CCDC169: variants seen among roughly 807,000 people sequenced by gnomAD.
CCDC169 encodes the protein coiled-coil domain containing 169.
CCDC169 carries 30 observed loss-of-function variants against 36.0 expected under a neutral mutation model. That is an observed-to-expected ratio of 0.83 (90% confidence interval 0.62 to 1.13). The LOEUF (loss-of-function observed/expected upper bound fraction) is 1.13, where lower values mean the gene tolerates loss of function less well. Ranked by LOEUF, CCDC169 falls within the 50% of genes most tolerant of loss-of-function variation. The pLI is 0.00. For synonymous variants in CCDC169, 85 were observed against 81.5 expected, an observed-to-expected ratio of 1.04 and a Z score of -0.23; for missense variants, 245 against 245.9, an observed-to-expected ratio of 1.00 and a Z score of 0.03.
At chr13:36,229,463 T>C (rs1167129884), downstream of CCDC169, among the ~76,000 whole-genome samples, 3 of 151,986 alleles carry the variant, frequency 2.0e-5, no homozygotes, top group South Asian at 4.1e-4. Flanking sequence ...TGTTCCTCAA[T>C]AGTCCCCACA....
At chr13:36,259,127 TG>T (rs1566073115) in intron 4 of CCDC169, among the ~76,000 whole-genome samples, 1 of 152,232 alleles carries the variant, frequency 6.6e-6, no homozygotes, top group East Asian at 1.9e-4. Flanking sequence ...CCACAGTCTA[TG>T]TAGGCAGCAG....
intron 7 of CCDC169, among the ~76,000 whole-genome samples, chr13:36,236,011 A>C (rs902780488): frequency 6.6e-6 from 1 of 152,042 alleles, no homozygotes; most frequent in Non-Finnish European, 1.5e-5. Context: ...GAAGATCTAA[A>C]TGAATAGAAA....
intron 4 of CCDC169, among the ~76,000 whole-genome samples, chr13:36,261,625 T>A (rs1874622679): frequency 6.6e-6 from 1 of 152,224 alleles, no homozygotes. Flanking sequence ...CTGGTTGATA[T>A]CCAAGACTGG....
intron 1 of CCDC169, among the ~76,000 whole-genome samples, 172 bp from the exon 2 acceptor site, chr13:36,296,029 C>G (rs1170530655): frequency 6.6e-6 from 1 of 152,122 alleles, no homozygotes; most frequent in Non-Finnish European, 1.5e-5. Context: ...TTAGTCAGTT[C>G]TAGGACTCAA....
chr13:36,279,055 C>T (rs1214606649), intron 4 of CCDC169, among the ~76,000 whole-genome samples: 1 of 152,028 alleles, frequency 6.6e-6, no homozygotes, highest in Non-Finnish European at 1.5e-5. Context: ...CTAAATAGAT[C>T]TTTAATCTGT....
intron 4 of CCDC169, chr13:36,282,319 A>G: frequency 1.0e-6 from 1 of 956,434 alleles, no homozygotes; most frequent in Non-Finnish European, 1.2e-6. Flanking sequence ...GAATTTCACA[A>G]ATATTATTCT....
At chr13:36,269,036 G>A (rs1875696672) in intron 4 of CCDC169, among the ~76,000 whole-genome samples, 1 of 152,062 alleles carries the variant, frequency 6.6e-6, no homozygotes, top group African/African-American at 2.4e-5. Context: ...ACCATCAGGT[G>A]GAGGTTGCAG....
intron 4 of CCDC169, 131 bp from the exon 5 acceptor site, chr13:36,254,274 A>AATTTTTTT (rs745490666): frequency 3.8e-5 from 16 of 416,372 alleles, no homozygotes; most frequent in East Asian, 1.4e-4. Context: ...TATGATATGT[A>AATTTTTTT]CTTTTTTTTT....
At chr13:36,282,563 G>A (rs998784010) in intron 4 of CCDC169, 1 of 984,824 alleles carries the variant, frequency 1.0e-6, no homozygotes, top group African/African-American at 1.7e-5. Context: ...TGTTTATACT[G>A]AACTTTCATT....
chr13:36,238,014 T>C (rs1211876896), intron 7 of CCDC169, among the ~76,000 whole-genome samples: 1 of 152,114 alleles, frequency 6.6e-6, no homozygotes, highest in African/African-American at 2.4e-5. Flanking sequence ...GACACACTTC[T>C]CACAACATGT....
intron 6 of CCDC169, among the ~76,000 whole-genome samples, chr13:36,249,662 T>C (rs150118369): frequency 4.5e-4 from 69 of 152,224 alleles, no homozygotes; most frequent in African/African-American, 1.6e-3. Context: ...TTTGTTTTGG[T>C]GGAAGAGTTG....
intron 4 of CCDC169, among the ~76,000 whole-genome samples, chr13:36,270,472 A>C (rs1466103394): frequency 2.0e-5 from 3 of 152,188 alleles, no homozygotes; most frequent in Non-Finnish European, 4.4e-5. Flanking sequence ...AAGCAATCCT[A>C]ATCAAAAAGA....
intron 4 of CCDC169, among the ~76,000 whole-genome samples, chr13:36,263,179 T>C (rs530630793): frequency 1.7e-4 from 25 of 148,634 alleles, no homozygotes; most frequent in African/African-American, 5.9e-4. Flanking sequence ...CCCCAAAACA[T>C]TGGTACGAAA....
intron 2 of CCDC169, among the ~76,000 whole-genome samples, chr13:36,292,768 T>C (rs1879053777): frequency 6.6e-6 from 1 of 152,178 alleles, no homozygotes; most frequent in African/African-American, 2.4e-5. Flanking sequence ...ATAAAATAAA[T>C]TCAGCATGTT....
intron 4 of CCDC169, among the ~76,000 whole-genome samples, chr13:36,268,269 T>C (rs562078238): frequency 1.3e-5 from 2 of 152,314 alleles, no homozygotes; most frequent in Admixed American, 1.3e-4. Context: ...TCATATCAAG[T>C]ATATTCTCAG....
Position 36,248,564 on chromosome 13 carries a change from C to A in CCDC169, c.545+42G>T, listed in dbSNP as rs753011905. On this transcript the variant is annotated intron_variant, in intron 7 of 7. Transcript: ENST00000239859. Reference sequence around the variant, plus strand: ...CTGTTTTGTCAGTGGCATTTATGTGCAAATGTAACGAATTAGAAAGAAAAT... The same window carrying A: ...CTGTTTTGTCAGTGGCATTTATGTGAAAATGTAACGAATTAGAAAGAAAAT... The A allele has an allele frequency of 3.6e-5, 56 of 1,534,998 alleles. 1 individual carries two copies. In the Middle Eastern group the frequency reaches 8.4e-4, roughly 23 times the overall value.
At chr13:36,279,208 T>C (rs1490115846) in intron 4 of CCDC169, among the ~76,000 whole-genome samples, 2 of 151,034 alleles carry the variant, frequency 1.3e-5, no homozygotes, top group Non-Finnish European at 2.9e-5. Flanking sequence ...TCATGGTGGT[T>C]GGGGTGGGGG....
chr13:36,245,622 G>T (rs1023217414), intron 7 of CCDC169, among the ~76,000 whole-genome samples: 5 of 151,984 alleles, frequency 3.3e-5, no homozygotes, highest in African/African-American at 4.8e-5. Flanking sequence ...ATCTTAAATT[G>T]GTTTTATTTA....
chr13:36,281,302 T>A (rs758219581), intron 4 of CCDC169: 6 of 443,388 alleles, frequency 1.4e-5, no homozygotes, highest in South Asian at 9.6e-5. Flanking sequence ...AAAAAAAACT[T>A]TACTTGTTTA....
Sources: allele counts gnomAD v4.1 joint callset (sites outside exome capture counted in the v4.1 genomes callset), GRCh38; gene constraint gnomAD v4.1.1; transcripts MANE v1.5; gene names NCBI Gene and HGNC (gene_info 2026-07-23, HGNC 2026-07-21).